FAM110B: variants seen among roughly 807,000 people sequenced by gnomAD.
FAM110B encodes the protein family with sequence similarity 110 member B.
A neutral mutation model predicts 20.4 loss-of-function variants in FAM110B; 6 were observed. The ratio of observed to expected loss-of-function variants is 0.29; its 90% CI spans 0.16 to 0.58. The LOEUF (loss-of-function observed/expected upper bound fraction) is 0.58, where lower values mean the gene tolerates loss of function less well. Among genes scored for constraint, FAM110B ranks in the 20% least tolerant of loss-of-function variants. The pLI is 0.90. For missense variants in FAM110B, 434 were observed against 498.2 expected (o/e 0.87, Z 1.23); for synonymous variants, 226 against 214.1 (o/e 1.06, Z -0.49).
intron 2 of FAM110B, among the ~76,000 whole-genome samples, chr8:58,056,990 G>A (rs73681781): frequency 1.1e-3 from 167 of 152,306 alleles, no homozygotes; most frequent in African/African-American, 3.6e-3. Flanking sequence ...CTTTCTTTCT[G>A]TCTAGAGCTG....
intron 2 of FAM110B, among the ~76,000 whole-genome samples, chr8:58,072,207 A>G (rs975675752): frequency 1.3e-5 from 2 of 152,184 alleles, no homozygotes; most frequent in East Asian, 3.8e-4. Flanking sequence ...GGTTTTTTCC[A>G]CTGTGAAAGC....
At chr8:58,008,779 G>T (rs538494736) in intron 1 of FAM110B, among the ~76,000 whole-genome samples, 75 of 152,320 alleles carry the variant, frequency 4.9e-4, no homozygotes, top group African/African-American at 1.8e-3. Flanking sequence ...CTCCATGAGT[G>T]GGAGAGGCCT....
At chr8:58,017,259 G>A (rs756478245) in intron 1 of FAM110B, among the ~76,000 whole-genome samples, 2 of 152,218 alleles carry the variant, frequency 1.3e-5, no homozygotes, top group African/African-American at 2.4e-5. Flanking sequence ...AGGTAGATAA[G>A]TCTGCATTTT....
chr8:58,140,166 A>C (rs1803709066), intron 3 of FAM110B, among the ~76,000 whole-genome samples: 1 of 152,074 alleles, frequency 6.6e-6, no homozygotes, highest in Non-Finnish European at 1.5e-5. Context: ...CTCCGTAGTC[A>C]AGTGGGAAGC....
chr8:58,011,166 C>T (rs1224531369), intron 1 of FAM110B, among the ~76,000 whole-genome samples: 2 of 152,132 alleles, frequency 1.3e-5, no homozygotes, highest in Non-Finnish European at 2.9e-5. Flanking sequence ...AAATAGATGC[C>T]CTTTTCTCAA....
At chr8:58,127,705 A>G (rs1807544054) in intron 3 of FAM110B, among the ~76,000 whole-genome samples, 1 of 152,324 alleles carries the variant, frequency 6.6e-6, no homozygotes, top group East Asian at 1.9e-4. Context: ...TACCATTTAC[A>G]TTGGCTCAAA....
At chr8:58,096,402 TCCTGACCTCGTGATCCA>T (rs1376815496) in intron 3 of FAM110B, among the ~76,000 whole-genome samples, 1 of 152,198 alleles carries the variant, frequency 6.6e-6, no homozygotes, top group Admixed American at 6.5e-5. Context: ...GGTCTTGAAC[TCCTGACCTCGTGATCCA>T]CCTGCCTCTG....
chr8:58,076,898 A>G (rs532902008), intron 3 of FAM110B, among the ~76,000 whole-genome samples: 14 of 152,290 alleles, frequency 9.2e-5, no homozygotes, highest in African/African-American at 2.4e-4. Flanking sequence ...TAAGCCATGT[A>G]TTTTGTAATT....
chr8:58,104,528 A>T (rs1806863156), intron 3 of FAM110B, among the ~76,000 whole-genome samples: 1 of 152,208 alleles, frequency 6.6e-6, no homozygotes, highest in Admixed American at 6.5e-5. Context: ...TGTAAATATT[A>T]AAAAGTTGAC....
intron 3 of FAM110B, among the ~76,000 whole-genome samples, chr8:58,092,652 GTAT>G (rs1806511926): frequency 6.6e-6 from 1 of 152,138 alleles, no homozygotes; most frequent in Non-Finnish European, 1.5e-5. Flanking sequence ...TCATTGATGG[GTAT>G]TTGGGTTGGT....
intron 2 of FAM110B, among the ~76,000 whole-genome samples, chr8:58,062,712 G>T (rs1349212971): frequency 6.6e-6 from 1 of 152,090 alleles, no homozygotes; most frequent in South Asian, 2.1e-4. Context: ...AACTTGCCAA[G>T]GTTCATGTCA....
chr8:58,101,196 T>C (rs1806772222), intron 3 of FAM110B, among the ~76,000 whole-genome samples: 1 of 152,064 alleles, frequency 6.6e-6, no homozygotes, highest in South Asian at 2.1e-4. Flanking sequence ...AAAAACCTGT[T>C]TACTATTCCA....
intron 2 of FAM110B, among the ~76,000 whole-genome samples, chr8:58,045,215 AGCAG>A: frequency 6.6e-6 from 1 of 152,186 alleles, no homozygotes; most frequent in Admixed American, 6.5e-5. Context: ...AACTGTTCAC[AGCAG>A]TGCTGTGTGC....
At chr8:58,103,894 G>T (rs1806847384) in intron 3 of FAM110B, among the ~76,000 whole-genome samples, 1 of 152,134 alleles carries the variant, frequency 6.6e-6, no homozygotes, top group Non-Finnish European at 1.5e-5. Context: ...AATTGTCTGG[G>T]TGCCTTGCCC....
At chr8:58,070,648 T>C (rs1246279639) in intron 2 of FAM110B, among the ~76,000 whole-genome samples, 2 of 152,228 alleles carry the variant, frequency 1.3e-5, no homozygotes, top group African/African-American at 4.8e-5. Flanking sequence ...CGCTTCTGTT[T>C]TGGAATGCCC....
intron 2 of FAM110B, among the ~76,000 whole-genome samples, chr8:58,056,974 A>C (rs1805559110): frequency 6.6e-6 from 1 of 152,222 alleles, no homozygotes; most frequent in Non-Finnish European, 1.5e-5. Flanking sequence ...AGTGGAAATG[A>C]TCTGCCTTTC....
At chr8:58,084,269 A>G (rs898019028) in intron 3 of FAM110B, among the ~76,000 whole-genome samples, 1 of 152,240 alleles carries the variant, frequency 6.6e-6, no homozygotes, top group Non-Finnish European at 1.5e-5. Context: ...ATTTTCAAGC[A>G]TCATTCTAGT....
At chr8:58,062,942 C>T (rs755257973) in intron 2 of FAM110B, among the ~76,000 whole-genome samples, 6 of 152,210 alleles carry the variant, frequency 3.9e-5, no homozygotes, top group Non-Finnish European at 8.8e-5. Context: ...CCAGCGCCAA[C>T]AGAGGCTTTC....
intron 3 of FAM110B, among the ~76,000 whole-genome samples, chr8:58,124,674 T>G (rs1265328600): frequency 2.0e-5 from 3 of 152,228 alleles, no homozygotes; most frequent in African/African-American, 7.2e-5. Context: ...ATACTAGAAC[T>G]GACTTGCATA....
Sources: allele counts gnomAD v4.1 joint callset (sites outside exome capture counted in the v4.1 genomes callset), GRCh38; gene constraint gnomAD v4.1.1; transcripts MANE v1.5; gene names NCBI Gene and HGNC (gene_info 2026-07-23, HGNC 2026-07-21).